The following ADAMTS20 variants were observed in gnomAD, a reference collection of about 807,000 sequenced individuals.
ADAMTS20 encodes the protein A disintegrin and metalloproteinase with thrombospondin motifs 20.
A neutral mutation model predicts 260.1 loss-of-function variants in ADAMTS20; 225 were observed. The observed-to-expected ratio is 0.87, with a 90% confidence interval of 0.78 to 0.97. The LOEUF (loss-of-function observed/expected upper bound fraction) is 0.97. ADAMTS20 is among the 50% of genes least tolerant of loss of function. ADAMTS20 has a pLI of 0.00. For missense variants in ADAMTS20, 2,400 were observed against 2,337.7 expected (o/e 1.03, Z -0.55); for synonymous variants, 802 against 769.5 (o/e 1.04, Z -0.70).
intron 4 of ADAMTS20, among the ~76,000 whole-genome samples, chr12:43,499,317 G>C (rs1252435820): frequency 6.6e-6 from 1 of 152,008 alleles, no homozygotes; most frequent in African/African-American, 2.4e-5. Context: ...AAAATGATAA[G>C]CACATGCATT....
At chr12:43,447,432 A>T (rs1349486230) in intron 14 of ADAMTS20, among the ~76,000 whole-genome samples, 1 of 152,190 alleles carries the variant, frequency 6.6e-6, no homozygotes, top group African/African-American at 2.4e-5. Flanking sequence ...GCTTTCAATA[A>T]AATTCAACAC....
At chr12:43,399,316 A>G (rs1940764162) in intron 28 of ADAMTS20, 83 bp from the exon 29 acceptor site, 2 of 1,124,616 alleles carry the variant, frequency 1.8e-6, no homozygotes, top group East Asian at 6.0e-5. Context: ...AAATGTAACA[A>G]TCCACACATA....
chr12:43,436,667 G>C (rs1205677965), intron 18 of ADAMTS20, among the ~76,000 whole-genome samples: 1 of 152,150 alleles, frequency 6.6e-6, no homozygotes, highest in East Asian at 1.9e-4. Flanking sequence ...AAGTGAACTT[G>C]AGAGCATAAG....
chr12:43,511,815 C>T (rs1942927922), intron 3 of ADAMTS20, among the ~76,000 whole-genome samples: 1 of 152,058 alleles, frequency 6.6e-6, no homozygotes, highest in Admixed American at 6.6e-5. Context: ...TGCAACAATC[C>T]ATTTTTTAAA....
chr12:43,483,984 G>A (rs1448262415), intron 7 of ADAMTS20, among the ~76,000 whole-genome samples: 3 of 152,170 alleles, frequency 2.0e-5, no homozygotes, highest in Admixed American at 2.0e-4. Context: ...ACAGGAGACA[G>A]TGAACCCATA....
chr12:43,484,415 A>G (rs1003270981), intron 7 of ADAMTS20, among the ~76,000 whole-genome samples: 1 of 152,158 alleles, frequency 6.6e-6, no homozygotes, highest in Non-Finnish European at 1.5e-5. Context: ...GGTGAAAAAC[A>G]AATAGGATTT....
chr12:43,391,872 A>G (rs907695579), intron 29 of ADAMTS20, among the ~76,000 whole-genome samples: 2 of 152,196 alleles, frequency 1.3e-5, no homozygotes, highest in Non-Finnish European at 2.9e-5. Flanking sequence ...CTGTGTCAAC[A>G]TTTTTACTGG....
In ADAMTS20 at chr12:43,551,008, C is replaced by T. The variant is rs149358464; in HGVS notation, c.354G>A (p.Glu118=). The T allele has an allele frequency of 6.2e-3, 10,067 of 1,613,508 alleles. 47 individuals carry two copies. The highest frequency in any genetic ancestry group is 8.1e-3 in the Middle Eastern group (49 of 6,062). ...HLGTPERGAW[E]SDAGPSDLRH... ...GCAGGTCCGAGGGCCCTGCGTCGCT[C>T]TCCCAGGCCCCGCGCTCCGGGGTTC... Residue 118 remains glutamate (E), a synonymous_variant, in exon 2 of 39, where the codon GAG becomes GAA. Transcript: ENST00000389420. This position sits in a 1 kb window ranked among gnomAD's most constrained non-coding sequence, Gnocchi z 4.6.
chr12:43,466,843 G>C (rs113731655), intron 8 of ADAMTS20, 48 bp from the exon 9 acceptor site: 1 of 1,356,760 alleles, frequency 7.4e-7, no homozygotes, highest in East Asian at 2.3e-5. Flanking sequence ...AGATGCTTAC[G>C]ATATTAGTAA....
chr12:43,506,348 G>A (rs1942842065), intron 3 of ADAMTS20, among the ~76,000 whole-genome samples: 1 of 152,068 alleles, frequency 6.6e-6, no homozygotes, highest in South Asian at 2.1e-4. Context: ...GGAAAATGGG[G>A]AGTTGTGAAT....
At position 43,427,386 on chromosome 12, in the gene ADAMTS20, A is replaced by G. The variant is rs773794247; in HGVS notation, c.4029T>C (p.Asp1343=). 27 of 1,613,878 alleles carry G rather than the reference A, an allele frequency of 1.7e-5. No individual in the cohort carries two copies. Among genetic ancestry groups the G allele is most frequent in the Non-Finnish European group, 2.3e-5 (27 of 1,179,872 alleles). Residue 1343 remains aspartate (D), a synonymous_variant, in exon 27 of 39, where the codon GAT becomes GAC. Transcript: ENST00000389420. The stretch of plus-strand genomic sequence containing the variant: ...GTAACTCTGGAGGCTTGGAGGCTGC[A>G]TCGCAGTAACTAGCACTTTGTCCAT... The part of the protein sequence containing the change: ...DENGQSASYC[D]AASKPPELQQ...
intron 16 of ADAMTS20, among the ~76,000 whole-genome samples, chr12:43,441,328 C>G (rs1271478039): frequency 1.3e-5 from 2 of 151,186 alleles, no homozygotes; most frequent in Non-Finnish European, 2.9e-5. Context: ...TATTTATATA[C>G]TATATATATA....
At chr12:43,376,196 G>A (rs1316038198) in intron 34 of ADAMTS20, 40 bp downstream of exon 34, 2 of 1,545,820 alleles carry the variant, frequency 1.3e-6, no homozygotes, top group African/African-American at 1.4e-5. Flanking sequence ...CAAAGTCAAT[G>A]ATCAATGTTA....
At chr12:43,443,266 ATTAAG>A (rs1349311277) in intron 16 of ADAMTS20, among the ~76,000 whole-genome samples, 6 of 152,234 alleles carry the variant, frequency 3.9e-5, no homozygotes, top group African/African-American at 1.4e-4. Context: ...AATAACATAA[ATTAAG>A]TTTATACTTT....
chr12:43,492,101 C>G lies in ADAMTS20; in HGVS notation c.1076+404G>C, dbSNP rs533037985. Among the ~76,000 whole-genome samples the G allele has an allele frequency of 3.2e-4, 49 of 152,258 alleles. No homozygotes were observed. In the South Asian group the frequency reaches 7.9e-3, roughly 24 times the overall value. ...TTAACAAAGAATTAAGAAGAAGTGG[C>G]CGGGCGCGGTGGCTCACGCCTGTAA... On this transcript the variant is annotated intron_variant, in intron 6 of 38. Coordinates refer to ENST00000389420, the MANE Select transcript of ADAMTS20 (RefSeq NM_025003.5).
chr12:43,522,930 T>C (rs1316646084), intron 3 of ADAMTS20, among the ~76,000 whole-genome samples: 2 of 152,196 alleles, frequency 1.3e-5, no homozygotes, highest in Admixed American at 1.3e-4. Flanking sequence ...GAAACCACCA[T>C]GAATTGTAAT....
At chr12:43,460,985 TATA>T (rs201165197) in intron 11 of ADAMTS20, among the ~76,000 whole-genome samples, 1,731 of 60,722 alleles carry the variant, frequency 0.029, 100 homozygotes, top group African/African-American at 0.11. Flanking sequence ...TATATATATA[TATA>T]TTTTTTTTTT....
intron 31 of ADAMTS20, among the ~76,000 whole-genome samples, chr12:43,377,920 G>A (rs978378411): frequency 1.3e-5 from 2 of 152,126 alleles, no homozygotes; most frequent in Non-Finnish European, 2.9e-5. Flanking sequence ...GAAATAAAGG[G>A]CATCTATTAG....
intron 29 of ADAMTS20, among the ~76,000 whole-genome samples, chr12:43,385,423 A>G (rs1592040601): frequency 6.6e-6 from 1 of 152,068 alleles, no homozygotes; most frequent in Admixed American, 6.5e-5. Flanking sequence ...ATGATAGTTT[A>G]TTTTGCTGTC....
Sources: gnomAD v4.1 joint callset for allele counts (sites outside exome capture counted in the v4.1 genomes callset) on GRCh38, gnomAD v4.1.1 for gene constraint, Gnocchi (gnomAD v3.1) non-coding constraint, MANE v1.5 for transcripts, NCBI Gene and HGNC (gene_info 2026-07-23, HGNC 2026-07-21) for gene names.